Variants in GRIP2 observed in about 807,000 individuals in gnomAD.
The protein encoded by GRIP2 is glutamate receptor-interacting protein 2.
A neutral mutation model predicts 108.3 loss-of-function variants in GRIP2; 58 were observed. The observed-to-expected ratio is 0.54, with a 90% confidence interval of 0.43 to 0.67. The LOEUF (loss-of-function observed/expected upper bound fraction) is 0.67. Among genes scored for constraint, GRIP2 ranks in the 30% least tolerant of loss-of-function variants. GRIP2 has a pLI of 0.00. For synonymous variants in GRIP2, 586 were observed against 598.2 expected (o/e 0.98, Z 0.30); for missense variants, 1,278 against 1,430.6 (o/e 0.89, Z 1.72).
intron 1 of GRIP2, among the ~76,000 whole-genome samples, chr3:14,532,197 C>T (rs1381827043): frequency 6.6e-6 from 1 of 152,230 alleles, no homozygotes; most frequent in African/African-American, 2.4e-5. Flanking sequence ...CCATCCTCAG[C>T]GGCAGCGGGA....
Position 14,512,695 on chromosome 3 carries a change from T to C in GRIP2, c.1720+82A>G. ...CCCGCAGGGTGTCACGCCATGGAAA[T>C]GCTGGTCTGAGCTTGGCAAGCTCTT... is the stretch of plus-strand genomic sequence containing the variant. On this transcript the variant is annotated intron_variant, in intron 14 of 23. Coordinates refer to ENST00000621039, the MANE Select transcript of GRIP2 (RefSeq NM_001080423.4). This position sits in a 1 kb window ranked among gnomAD's most constrained non-coding sequence, Gnocchi z 5.1. 1 of 1,359,492 alleles carries C rather than the reference T, an allele frequency of 7.4e-7. No individual in the cohort carries two copies. Among genetic ancestry groups the C allele is most frequent in the Non-Finnish European group, 1.0e-6 (1 of 965,486 alleles). The allele number at this position is 1,359,492 out of a possible 1,614,324, so 84.2% of individuals were successfully genotyped here.
At chr3:14,552,713 C>T (rs1484899087) in intron 1 of GRIP2, among the ~76,000 whole-genome samples, 1 of 151,742 alleles carries the variant, frequency 6.6e-6, no homozygotes, top group Non-Finnish European at 1.5e-5. Flanking sequence ...TTGCCTCAGC[C>T]TCCCAGGTAG....
intron 23 of GRIP2, 52 bp downstream of exon 23, chr3:14,494,791 C>G: frequency 6.4e-7 from 1 of 1,565,914 alleles, no homozygotes; most frequent in Admixed American, 1.8e-5. Flanking sequence ...TCCCCACCCT[C>G]AGGCTAGGAA....
In GRIP2 at chr3:14,512,382, C is replaced by T. The variant is rs1694120837; in HGVS notation, c.1720+395G>A. 6.6e-6 allele frequency among the ~76,000 whole-genome samples: 1 copy of T among 152,242 alleles called. No individual in the cohort carries two copies. The highest frequency in any genetic ancestry group is 1.5e-5 in the Non-Finnish European group (1 of 68,048). On this transcript the variant is annotated intron_variant, in intron 14 of 23. Coordinates refer to ENST00000621039, the MANE Select transcript of GRIP2 (RefSeq NM_001080423.4). The surrounding 1 kb of genome is among the most constrained non-coding windows in gnomAD (Gnocchi z 5.1). ...GTTTTTCTTCTGCATTCCTCATTTT[C>T]ATTCCTTTGACAAACATGAATTAAG...
Position 14,521,751 on chromosome 3 carries a change from A to C in GRIP2, c.603T>G (p.Ser201Arg), listed in dbSNP as rs4234526. 1.2e-6 allele frequency: 2 copies of C among 1,606,742 alleles called. No individual in the cohort carries two copies. Among genetic ancestry groups the C allele is most frequent in the African/African-American group, 1.3e-5 (1 of 74,856 alleles). ...GSLKVGDRLL[S>R]VDGIPLHGAS... is the part of the protein sequence containing the mutation. The stretch of plus-strand genomic sequence containing the variant: ...CCCCGTGCAGCGGGATTCCATCGAC[A>C]CTGAGCAGCCTGTCGCCCACCTTCA... Residue 201 changes from serine (S) to arginine (R), a missense_variant, in exon 7 of 24, where the codon AGT (serine) becomes AGG (arginine). Transcript: ENST00000621039. The surrounding 1 kb of genome is among the most constrained non-coding windows in gnomAD (Gnocchi z 5.1).
the GRIP2 span, among the ~76,000 whole-genome samples, chr3:14,569,768 C>T: frequency 6.6e-6 from 1 of 152,162 alleles, no homozygotes; most frequent in African/African-American, 2.4e-5. Flanking sequence ...TCCTCCAGAG[C>T]CTCACAAGCA....
chr3:14,505,511 C>T lies in GRIP2; in HGVS notation c.2573+104G>A, dbSNP rs527504443. 9.2e-4 allele frequency: 1,215 copies of T among 1,320,080 alleles called. 32 individuals are homozygous for T. In the South Asian group the frequency reaches 0.015, roughly 17 times the overall value. 81.8% of individuals were successfully genotyped at this position (1,320,080 alleles called of 1,614,324 possible). On this transcript the variant is annotated intron_variant, in intron 20 of 23. Coordinates refer to ENST00000621039, the MANE Select transcript of GRIP2 (RefSeq NM_001080423.4). The surrounding 1 kb of genome is among the most constrained non-coding windows in gnomAD (Gnocchi z 4.2). The stretch of plus-strand genomic sequence containing the variant: ...CAGGAGGCACCCCTCCTCAGGAGCC[C>T]GCCAAGACTCTCCATTCCCCCACCA...
intron 17 of GRIP2, among the ~76,000 whole-genome samples, chr3:14,509,044 CCA>C: frequency 6.6e-6 from 1 of 152,102 alleles, no homozygotes; most frequent in Admixed American, 6.5e-5. Context: ...CAGAAGGGTT[CCA>C]CACCGACCTC....
the GRIP2 span, among the ~76,000 whole-genome samples, chr3:14,599,530 T>G: frequency 6.6e-6 from 1 of 151,804 alleles, no homozygotes; most frequent in Admixed American, 6.6e-5. Flanking sequence ...GGCTAAGGAC[T>G]GGCTTTTATT....
rs143716423 is a variant in GRIP2, at chr3:14,496,658, A to G, written c.2680-98T>C. 2.3e-5 allele frequency: 34 copies of G among 1,464,012 alleles called. No homozygotes were observed. The African/African-American group carries it at 3.3e-4, about 14-fold the overall frequency. 90.7% of individuals were successfully genotyped at this position (1,464,012 alleles called of 1,614,324 possible). A position where few individuals can be genotyped will look rare whatever the true frequency, so the allele number is the denominator to read the frequency against. ...CTACTATGTGCCAGCCACAAAAGGG[A>G]CAATGGTGAACAGGACAGACATGGT... On this transcript the variant is annotated intron_variant, in intron 21 of 23. Transcript: ENST00000621039.
chr3:14,530,143 G>A (rs1462384593), intron 1 of GRIP2, among the ~76,000 whole-genome samples: 1 of 152,210 alleles, frequency 6.6e-6, no homozygotes, highest in Non-Finnish European at 1.5e-5. Flanking sequence ...ATAAGCTTTT[G>A]TTTTAGCTCC....
chr3:14,539,631 G>A (rs1276928185), intron 1 of GRIP2, among the ~76,000 whole-genome samples: 1 of 152,202 alleles, frequency 6.6e-6, no homozygotes, highest in African/African-American at 2.4e-5. Context: ...CCTCTTTGGA[G>A]GAATAGGGTG....
At chr3:14,559,290 C>T (rs1325922562), upstream of GRIP2, among the ~76,000 whole-genome samples, 3 of 152,066 alleles carry the variant, frequency 2.0e-5, no homozygotes, top group Admixed American at 2.0e-4. Context: ...TTGCAGAGTT[C>T]CAAGTGAAAT....
the GRIP2 span, among the ~76,000 whole-genome samples, chr3:14,562,058 A>G: frequency 1.3e-5 from 2 of 152,248 alleles, no homozygotes; most frequent in African/African-American, 4.8e-5. Context: ...TAAAGGATGC[A>G]ACATGTTGCG....
chr3:14,514,201 T>G, intron 12 of GRIP2, 91 bp downstream of exon 12: 16 of 1,183,478 alleles, frequency 1.4e-5, no homozygotes, highest in Non-Finnish European at 1.8e-5. Context: ...AATGGTTAAG[T>G]GAGATGCGCT....
intron 1 of GRIP2, among the ~76,000 whole-genome samples, chr3:14,549,802 G>A (rs1695115057): frequency 6.6e-6 from 1 of 152,206 alleles, no homozygotes; most frequent in Admixed American, 6.5e-5. Flanking sequence ...CCCAGAGACA[G>A]CTCAGTTCTC....
At chr3:14,524,634 T>C (rs1694504924) in intron 3 of GRIP2, 96 bp from the exon 4 acceptor site, 8 of 1,336,198 alleles carry the variant, frequency 6.0e-6, no homozygotes, top group Non-Finnish European at 8.1e-6. Context: ...CTATGATCAC[T>C]GGATCCTCAT....
In GRIP2 at chr3:14,555,945, C is replaced by A. The variant is rs1575038486; in HGVS notation, c.10G>T (p.Val4Leu). ...ACGCCCAGCCGCCACTTGAGTGACA[C>A]CGCCAGCATTGTGCCCTCCTGCCCT... Residue 4 changes from valine to leucine, a missense_variant, in exon 1 of 24, where the codon GTG (valine) becomes TTG (leucine). Physicochemically the swap from Val to Leu is conservative, Grantham distance 32 (BLOSUM62 1). Transcript: ENST00000637182. 1.5e-5 allele frequency: 6 copies of A among 399,776 alleles called. No individual in the cohort carries two copies. In the East Asian group the frequency reaches 2.1e-4, roughly 14 times the overall value. 24.8% of individuals were successfully genotyped at this position (399,776 alleles called of 1,614,324 possible). A position where few individuals can be genotyped will look rare whatever the true frequency, so the allele number is the denominator to read the frequency against.
intron 1 of GRIP2, among the ~76,000 whole-genome samples, chr3:14,554,237 G>T (rs1695198342): frequency 6.6e-6 from 1 of 152,202 alleles, no homozygotes; most frequent in African/African-American, 2.4e-5. Context: ...GCCAGAACAA[G>T]ATTTGAACCC....
Sources: allele counts gnomAD v4.1 joint callset (sites outside exome capture counted in the v4.1 genomes callset), GRCh38; gene constraint gnomAD v4.1.1; non-coding constraint Gnocchi (gnomAD v3.1); transcripts MANE v1.5; gene names NCBI Gene and HGNC (gene_info 2026-07-23, HGNC 2026-07-21).